TSPAN2: variants seen among roughly 807,000 people sequenced by gnomAD.
The protein encoded by TSPAN2 is tetraspanin 2.
In TSPAN2, 24 loss-of-function variants were observed where a neutral mutation model predicts 33.3. That is an observed-to-expected ratio of 0.72 (90% CI 0.52 to 1.01). TSPAN2 has a LOEUF of 1.01. TSPAN2 is among the 50% of genes least tolerant of loss of function. TSPAN2 has a pLI of 0.00. For synonymous variants in TSPAN2, 114 were observed against 104.5 expected, an observed-to-expected ratio of 1.09 and a Z score of -0.56; for missense variants, 278 against 281.3, an observed-to-expected ratio of 0.99 and a Z score of 0.08.
intron 1 of TSPAN2, among the ~76,000 whole-genome samples, chr1:115,085,677 A>G (rs141633991): frequency 1.1e-3 from 164 of 152,220 alleles, no homozygotes; most frequent in African/African-American, 3.8e-3. Context: ...CAAAAAAACA[A>G]CTTTAGAAAC....
At chr1:115,079,682 G>T (rs186752071) in intron 1 of TSPAN2, among the ~76,000 whole-genome samples, 64 of 152,318 alleles carry the variant, frequency 4.2e-4, no homozygotes, top group African/African-American at 1.5e-3. Context: ...CCTTCATCAG[G>T]ACCAGGTGAG....
chr1:115,079,425 T>C (rs1197422426), intron 1 of TSPAN2, among the ~76,000 whole-genome samples: 1 of 152,174 alleles, frequency 6.6e-6, no homozygotes, highest in East Asian at 1.9e-4. Context: ...TATGATACCT[T>C]AAGGGTAATG....
intron 1 of TSPAN2, among the ~76,000 whole-genome samples, chr1:115,074,988 T>C (rs577788982): frequency 6.6e-5 from 10 of 152,162 alleles, no homozygotes; most frequent in Admixed American, 2.0e-4. Flanking sequence ...AGTTTCCAAA[T>C]ACAAAGCAAG....
intron 1 of TSPAN2, among the ~76,000 whole-genome samples, chr1:115,075,257 G>A (rs879913252): frequency 3.9e-5 from 6 of 152,146 alleles, no homozygotes; most frequent in South Asian, 2.1e-4. Flanking sequence ...AAAAATCTGC[G>A]CTTGCTCATC....
At chr1:115,088,262 T>C (rs1444010982) in intron 1 of TSPAN2, among the ~76,000 whole-genome samples, 1 of 152,128 alleles carries the variant, frequency 6.6e-6, no homozygotes, top group African/African-American at 2.4e-5. Context: ...CATTCAATAA[T>C]TAATTAGTTG....
intron 1 of TSPAN2, among the ~76,000 whole-genome samples, chr1:115,076,826 G>A (rs1648427798): frequency 6.6e-6 from 1 of 152,180 alleles, no homozygotes; most frequent in African/African-American, 2.4e-5. Context: ...GGTGGCCCAG[G>A]AGGGAATCCA....
At chr1:115,074,193 G>T (rs942587689) in intron 1 of TSPAN2, among the ~76,000 whole-genome samples, 3 of 152,184 alleles carry the variant, frequency 2.0e-5, no homozygotes, top group African/African-American at 7.2e-5. Flanking sequence ...AATCAGAGAA[G>T]CAGAGGTCTA....
intron 2 of TSPAN2, among the ~76,000 whole-genome samples, chr1:115,067,766 G>A (rs560611651): frequency 1.3e-5 from 2 of 152,228 alleles, no homozygotes; most frequent in African/African-American, 4.8e-5. Context: ...ACCCCTTCTT[G>A]GAGAAAACCT....
At chr1:115,057,343 T>C (rs936472361) in intron 6 of TSPAN2, among the ~76,000 whole-genome samples, 194 bp downstream of exon 6, 7 of 152,196 alleles carry the variant, frequency 4.6e-5, no homozygotes, top group African/African-American at 1.2e-4. Context: ...TTAACATCTC[T>C]TGCTAACAAC....
chr1:115,074,054 A>G lies in TSPAN2; in HGVS notation c.70-1047T>C, dbSNP rs189874686. Among the ~76,000 whole-genome samples, 640 of 152,276 alleles carry G rather than the reference A, an allele frequency of 4.2e-3. 3 individuals carry two copies. Among genetic ancestry groups the G allele is most frequent in the Non-Finnish European group, 5.1e-3 (350 of 68,018 alleles). On this transcript the variant is annotated intron_variant, in intron 1 of 7. Coordinates refer to ENST00000369516, the MANE Select transcript of TSPAN2 (RefSeq NM_005725.6). ...GCAGAGATATAAAAATAGCCTCCTA[A>G]TTCTGCTAGCCCATCCAGTTGCTGT...
chr1:115,081,538 G>C (rs1000301851), intron 1 of TSPAN2, among the ~76,000 whole-genome samples: 2 of 152,172 alleles, frequency 1.3e-5, no homozygotes, highest in Admixed American at 6.5e-5. Flanking sequence ...GTGTAAAGGA[G>C]TTGTAGTGGA....
intron 1 of TSPAN2, among the ~76,000 whole-genome samples, chr1:115,078,989 G>C (rs1044139203): frequency 1.3e-5 from 2 of 152,190 alleles, no homozygotes; most frequent in African/African-American, 2.4e-5. Flanking sequence ...AGAGCACATA[G>C]TATCAGTTCT....
intron 6 of TSPAN2, 56 bp downstream of exon 6, chr1:115,057,481 T>C (rs2101025227): frequency 6.5e-7 from 1 of 1,538,478 alleles, no homozygotes. Context: ...TTCAATGGCT[T>C]CCTAAGCTAG....
At chr1:115,075,224 T>C (rs1648355919) in intron 1 of TSPAN2, among the ~76,000 whole-genome samples, 3 of 152,296 alleles carry the variant, frequency 2.0e-5, no homozygotes, top group South Asian at 2.1e-4. Context: ...GAGGTTGCAA[T>C]TTAAAGCCAT....
At position 115,086,380 on chromosome 1, in the gene TSPAN2, A is replaced by G. The variant is rs557904716; in HGVS notation, c.69+2984T>C. ...CTTCGACAGTCAGATGGTGGCGCAC[A>G]CTCCCCCTTGCTCTGCTCCTCTGCT... On this transcript the variant is annotated intron_variant, in intron 1 of 7. Coordinates refer to ENST00000369516, the MANE Select transcript of TSPAN2 (RefSeq NM_005725.6). Among the ~76,000 whole-genome samples, 3 of 151,958 alleles carry G rather than the reference A, an allele frequency of 2.0e-5. No individual in the cohort carries two copies. In the East Asian group the frequency reaches 5.8e-4, roughly 29 times the overall value.
At chr1:115,078,493 T>A (rs993394755) in intron 1 of TSPAN2, among the ~76,000 whole-genome samples, 1 of 152,094 alleles carries the variant, frequency 6.6e-6, no homozygotes, top group Non-Finnish European at 1.5e-5. Context: ...GGTTGGGGCT[T>A]TGGGAGGTAA....
At chr1:115,083,069 C>T (rs893311017) in intron 1 of TSPAN2, among the ~76,000 whole-genome samples, 1 of 152,198 alleles carries the variant, frequency 6.6e-6, no homozygotes, top group African/African-American at 2.4e-5. Context: ...GCCAAGGTAA[C>T]CCGAGTTAAT....
Position 115,050,204 on chromosome 1 carries a change from AT to A in TSPAN2, c.*285del, listed in dbSNP as rs1482210330. ...GGGAGCGAAATAGGTTGTTCTTCTT[AT>A]ATAACAAGAATCAGGAATTCCCAGC... On this transcript the variant is annotated 3_prime_UTR_variant, in exon 8 of 8. Coordinates refer to ENST00000369516, the MANE Select transcript of TSPAN2 (RefSeq NM_005725.6). The A allele has an allele frequency of 1.1e-5, 4 of 377,874 alleles. No homozygotes were observed. Among genetic ancestry groups the A allele is most frequent in the Non-Finnish European group, 1.9e-5 (4 of 209,722 alleles). The allele number at this position is 377,874 out of a possible 1,614,324, so 23.4% of individuals were successfully genotyped here.
intron 3 of TSPAN2, 49 bp downstream of exon 3, chr1:115,062,086 G>T: frequency 6.9e-7 from 1 of 1,445,542 alleles, no homozygotes; most frequent in Non-Finnish European, 9.5e-7. Context: ...TTCAGATGCA[G>T]GCCGCTCCCT....
Sources: allele counts gnomAD v4.1 joint callset (sites outside exome capture counted in the v4.1 genomes callset), GRCh38; gene constraint gnomAD v4.1.1; transcripts MANE v1.5; gene names NCBI Gene and HGNC (gene_info 2026-07-23, HGNC 2026-07-21).